The following PINX1 variants were observed in gnomAD, a reference collection of about 807,000 sequenced individuals.
PINX1 encodes PIN2/TERF1-interacting telomerase inhibitor 1.
PINX1 carries 34 observed loss-of-function variants against 25.4 expected under a neutral mutation model. That is an observed-to-expected ratio of 1.34 (90% CI 1.02 to 1.78). PINX1 has a LOEUF of 1.78. Ranked by LOEUF, PINX1 falls within the 40% of genes most tolerant of loss-of-function variation. The pLI is 0.00. For synonymous variants in PINX1, 197 were observed against 147.7 expected, an observed-to-expected ratio of 1.33 and a Z score of -2.42; for missense variants, 592 against 404.9, an observed-to-expected ratio of 1.46 and a Z score of -3.97.
At chr8:10,786,802 A>G (rs1361716120) in intron 6 of PINX1, among the ~76,000 whole-genome samples, 1 of 151,982 alleles carries the variant, frequency 6.6e-6, no homozygotes, top group Non-Finnish European at 1.5e-5. Flanking sequence ...CTGCAGGCCA[A>G]CTCCCAGGAA....
At chr8:10,802,050 A>G (rs1161708788) in intron 6 of PINX1, among the ~76,000 whole-genome samples, 1 of 152,208 alleles carries the variant, frequency 6.6e-6, no homozygotes, top group Non-Finnish European at 1.5e-5. Context: ...AAACTGGAAG[A>G]TGTACAAAGA....
Position 10,832,874 on chromosome 8 carries a change from G to A in PINX1, c.222+18C>T, listed in dbSNP as rs746257697. 1.1e-5 allele frequency: 16 copies of A among 1,490,092 alleles called. No homozygotes were observed. Among genetic ancestry groups the A allele is most frequent in the Non-Finnish European group, 1.4e-5 (15 of 1,070,132 alleles). 92.3% of individuals were successfully genotyped at this position (1,490,092 alleles called of 1,614,324 possible). A position where few individuals can be genotyped will look rare whatever the true frequency, so the allele number is the denominator to read the frequency against. Reference sequence around the variant, plus strand: ...CCAATTATGCAAAGACACCCAGGAGGCACACACTGCTGCTCACTTCATTAT... The same window carrying A: ...CCAATTATGCAAAGACACCCAGGAGACACACACTGCTGCTCACTTCATTAT... On this transcript the variant is annotated intron_variant, in intron 3 of 6. Transcript: ENST00000314787.
chr8:10,817,532 C>A (rs1008921309), intron 6 of PINX1, among the ~76,000 whole-genome samples: 3 of 152,198 alleles, frequency 2.0e-5, no homozygotes, highest in African/African-American at 7.2e-5. Flanking sequence ...ATGTAGAGGT[C>A]ATTTTGCTTT....
intron 6 of PINX1, among the ~76,000 whole-genome samples, chr8:10,782,935 T>C (rs1801634094): frequency 6.6e-6 from 1 of 152,166 alleles, no homozygotes; most frequent in African/African-American, 2.4e-5. Flanking sequence ...AGGATATAAA[T>C]ATTTATTCTG....
intron 6 of PINX1, among the ~76,000 whole-genome samples, chr8:10,803,505 C>G (rs1183416989): frequency 6.6e-6 from 1 of 152,134 alleles, no homozygotes; most frequent in Non-Finnish European, 1.5e-5. Flanking sequence ...ATATTTTTTT[C>G]ATTCCACTGA....
rs1001257748 is a variant in PINX1 at position 10,822,311 on chromosome 8, A to G, written c.395-2042T>C. Among the ~76,000 whole-genome samples the G allele has an allele frequency of 4.6e-5, 7 of 152,390 alleles. No homozygotes were observed. The East Asian group carries it at 1.3e-3, about 29-fold the overall frequency. On this transcript the variant is annotated intron_variant, in intron 5 of 6. Transcript: ENST00000314787. ...AATAAATACGACAAATTTAAAAAGC[A>G]TTTAAAAAGCTTATTTGTTTGAGTT...
chr8:10,787,881 G>A lies in PINX1; in HGVS notation c.472-21965C>T, dbSNP rs567373575. On this transcript the variant is annotated intron_variant, in intron 6 of 6. Transcript: ENST00000314787. ...ACCTATTGGTTAAGAAAGTCTGAAA[G>A]ACATTATCAATTAATCTATAATATA... 6.8e-5 allele frequency: 31 copies of A among 453,626 alleles called. No individual in the cohort carries two copies. The East Asian group carries it at 2.0e-3, about 30-fold the overall frequency. The allele number at this position is 453,626 out of a possible 1,614,324, so 28.1% of individuals were successfully genotyped here.
intron 6 of PINX1, among the ~76,000 whole-genome samples, chr8:10,771,802 C>T (rs1216507028): frequency 6.6e-6 from 1 of 152,242 alleles, no homozygotes; most frequent in South Asian, 2.1e-4. Context: ...CTCCCATCCA[C>T]ATGAAACCAC....
chr8:10,792,913 C>T (rs888807482), intron 6 of PINX1, among the ~76,000 whole-genome samples: 16 of 152,068 alleles, frequency 1.1e-4, no homozygotes, highest in African/African-American at 3.6e-4. Context: ...CTTACCTCTC[C>T]CAGTCAAGCA....
chr8:10,811,148 G>A (rs1300047653), intron 6 of PINX1, among the ~76,000 whole-genome samples: 1 of 152,158 alleles, frequency 6.6e-6, no homozygotes, highest in African/African-American at 2.4e-5. Flanking sequence ...AATCCTCCCT[G>A]GATCTTTTAT....
At chr8:10,825,267 G>A (rs17152571) in intron 5 of PINX1, 50,132 of 514,842 alleles carry the variant, frequency 0.097, 2,896 homozygotes, top group Non-Finnish European at 0.13. Context: ...GCCCTGATAC[G>A]CATGACATTC....
chr8:10,828,339 C>T (rs774835441), intron 4 of PINX1, among the ~76,000 whole-genome samples: 2 of 152,140 alleles, frequency 1.3e-5, no homozygotes, highest in Admixed American at 1.3e-4. Flanking sequence ...CAGCTTAAAG[C>T]GGCTCCTACC....
chr8:10,808,181 T>C (rs1336384991), intron 6 of PINX1, among the ~76,000 whole-genome samples: 1 of 152,202 alleles, frequency 6.6e-6, no homozygotes, highest in Non-Finnish European at 1.5e-5. Flanking sequence ...CATTATACAA[T>C]ACAATCAGTA....
chr8:10,773,710 A>G (rs1163678493), intron 6 of PINX1, among the ~76,000 whole-genome samples: 2 of 152,178 alleles, frequency 1.3e-5, no homozygotes, highest in African/African-American at 4.8e-5. Flanking sequence ...ACTTATTAGG[A>G]AAAGCCGACA....
At chr8:10,780,497 T>C (rs776888403) in intron 6 of PINX1, among the ~76,000 whole-genome samples, 2 of 152,156 alleles carry the variant, frequency 1.3e-5, no homozygotes, top group Non-Finnish European at 2.9e-5. Flanking sequence ...GTTAATATAA[T>C]GCATTACATT....
intron 6 of PINX1, among the ~76,000 whole-genome samples, chr8:10,779,157 C>T (rs563743166): frequency 2.2e-4 from 34 of 152,218 alleles, no homozygotes; most frequent in South Asian, 1.2e-3. Context: ...ACAATCTAGC[C>T]GTATTTTTTA....
At chr8:10,785,335 T>A (rs771394856) in intron 6 of PINX1, among the ~76,000 whole-genome samples, 1 of 152,240 alleles carries the variant, frequency 6.6e-6, no homozygotes, top group Non-Finnish European at 1.5e-5. Context: ...CAGAATCTTA[T>A]TTTAATACTT....
At chr8:10,791,037 C>T (rs1413265657) in intron 6 of PINX1, among the ~76,000 whole-genome samples, 1 of 152,222 alleles carries the variant, frequency 6.6e-6, no homozygotes, top group East Asian at 1.9e-4. Context: ...CTCAGCCTCC[C>T]GAGTAACTGG....
Position 10,765,668 on chromosome 8 carries a change from G to C in PINX1, c.720C>G (p.Pro240=), listed in dbSNP as rs767016129. 6.2e-7 allele frequency: 1 copy of C among 1,613,926 alleles called. No individual in the cohort carries two copies. Among genetic ancestry groups the C allele is most frequent in the Non-Finnish European group, 8.5e-7 (1 of 1,179,888 alleles). Residue 240 remains proline (P), a synonymous_variant, in exon 7 of 7, where the codon CCC becomes CCG. Transcript: ENST00000314787. ...PKAKRHTEGK[P]ERAEAQERVA... ...CTCGCTCCTGGGCCTCGGCCCTCTCGGGCTTTCCCTCCGTGTGCCTCTTGG... is the reference window on the plus strand; with the variant it reads ...CTCGCTCCTGGGCCTCGGCCCTCTCCGGCTTTCCCTCCGTGTGCCTCTTGG...
Sources: allele counts gnomAD v4.1 joint callset (sites outside exome capture counted in the v4.1 genomes callset), GRCh38; gene constraint gnomAD v4.1.1; transcripts MANE v1.5; gene names NCBI Gene and HGNC (gene_info 2026-07-23, HGNC 2026-07-21).